Variants in BIK observed in about 807,000 individuals in gnomAD.
The protein encoded by BIK is BCL2 interacting killer, also known as bcl-2-interacting killer.
BIK carries 14 observed loss-of-function variants against 12.1 expected under a neutral mutation model. That is an observed-to-expected ratio of 1.16 (90% CI 0.77 to 1.81). The LOEUF (loss-of-function observed/expected upper bound fraction) is 1.81. BIK is among the 40% of genes most tolerant of loss of function. The probability of loss-of-function intolerance (pLI) is 0.00; values close to 1 mark genes in which losing one functional copy is unlikely to be tolerated. For synonymous variants in BIK, 86 were observed against 92.3 expected (o/e 0.93, Z 0.39); for missense variants, 215 against 207.9 (o/e 1.03, Z -0.21).
chr22:43,118,552 G>A (rs1930161418), intron 1 of BIK, among the ~76,000 whole-genome samples: 2 of 152,164 alleles, frequency 1.3e-5, no homozygotes, highest in East Asian at 1.9e-4. Context: ...CTGGAGTTGT[G>A]TGCGCTCCAA....
intron 2 of BIK, among the ~76,000 whole-genome samples, chr22:43,125,480 C>T (rs945889158): frequency 3.3e-5 from 5 of 150,892 alleles, no homozygotes; most frequent in Non-Finnish European, 1.5e-5. Context: ...CTGAGGTGGG[C>T]GGATCACCTG....
At chr22:43,127,656 A>G (rs748094816) in intron 2 of BIK, 41 bp from the exon 3 acceptor site, 35 of 1,519,628 alleles carry the variant, frequency 2.3e-5, no homozygotes, top group Non-Finnish European at 3.0e-5. Flanking sequence ...TGTGGCCTCC[A>G]CGGCACAGCC....
chr22:43,121,602 G>C (rs1206558936), intron 1 of BIK, among the ~76,000 whole-genome samples: 4 of 152,062 alleles, frequency 2.6e-5, no homozygotes, highest in Non-Finnish European at 4.4e-5. Context: ...GAGGTACTGG[G>C]GTCTCCAGGA....
chr22:43,128,168 T>C (rs1930358093), intron 3 of BIK, among the ~76,000 whole-genome samples: 1 of 151,162 alleles, frequency 6.6e-6, no homozygotes, highest in African/African-American at 2.4e-5. Context: ...GGTGGGGGAA[T>C]AGAGTGGGCA....
At position 43,128,483 on chromosome 22, in the gene BIK, T is replaced by TTTGTCTCCCCATC. The variant is rs776609782; in HGVS notation, c.261-13_261-12insTTGTCTCCCCATC. On this transcript the variant is annotated splice_polypyrimidine_tract_variant and intron_variant, in intron 3 of 4. Transcript: ENST00000216115. Reference sequence around the variant, plus strand: ...CAGTAATGGCTTTGTCCCCCCATCCTCTTTGTCTATAGCCTGGGTCTGGCT... The same window carrying TTTGTCTCCCCATC: ...CAGTAATGGCTTTGTCCCCCCATCCTTTGTCTCCCCATCCTTTGTCTATAGCCTGGGTCTGGCT... The TTTGTCTCCCCATC allele has an allele frequency of 5.6e-5, 14 of 250,158 alleles. No homozygotes were observed. Among genetic ancestry groups the TTTGTCTCCCCATC allele is most frequent in the Admixed American group, 3.1e-4 (4 of 12,794 alleles). 15.5% of individuals were successfully genotyped at this position (250,158 alleles called of 1,614,324 possible).
At chr22:43,124,264 G>T in intron 2 of BIK, 81 bp downstream of exon 2, 1 of 1,512,340 alleles carries the variant, frequency 6.6e-7, no homozygotes, top group Non-Finnish European at 9.0e-7. Flanking sequence ...TCTATGAGCG[G>T]GGGAGCGCCT....
chr22:43,127,708 C>T lies in BIK; in HGVS notation c.173C>T (p.Ala58Val). The T allele has an allele frequency of 1.3e-6, 2 of 1,554,890 alleles. No individual in the cohort carries two copies. The highest frequency in any genetic ancestry group is 8.7e-7 in the Non-Finnish European group (1 of 1,149,668). The change falls in exon 3 of 5, where the codon GCC becomes GTC. Residue 58 changes from alanine (A) to valine (V), a missense_variant. By Grantham distance (64) the Ala-to-Val change is moderately conservative. Coordinates refer to ENST00000216115, the MANE Select transcript of BIK (RefSeq NM_001197.5). ...LECMEGSDALALRLACIGDEM... is the reference protein window; with the variant it reads ...LECMEGSDALVLRLACIGDEM... ...TGTGCTCCCTGCAGTGACGCATTGGCCCTGCGGCTGGCCTGCATCGGGGAC... is the reference window on the plus strand; with the variant it reads ...TGTGCTCCCTGCAGTGACGCATTGGTCCTGCGGCTGGCCTGCATCGGGGAC...
At position 43,117,815 on chromosome 22, in the gene BIK, G is replaced by A. The variant is rs568096034; in HGVS notation, c.-7-6201G>A. ...CCACCCGAGTAGCTGGATTACAGGC[G>A]CGCACCACCACACCTGGCTAATTTT... On this transcript the variant is annotated intron_variant, in intron 1 of 4. Coordinates refer to ENST00000216115, the MANE Select transcript of BIK (RefSeq NM_001197.5). Among the ~76,000 whole-genome samples the A allele has an allele frequency of 3.3e-5, 5 of 151,720 alleles. No homozygotes were observed. In the South Asian group the frequency reaches 8.3e-4, roughly 25 times the overall value.
intron 3 of BIK, among the ~76,000 whole-genome samples, chr22:43,128,268 C>CGGCT (rs1170374935): frequency 6.6e-6 from 1 of 152,102 alleles, no homozygotes; most frequent in Admixed American, 6.5e-5. Context: ...GGCTGGCGGG[C>CGGCT]GGCTGGCTGG....
At chr22:43,123,984 G>C in intron 1 of BIK, 32 bp from the exon 2 acceptor site, 2 of 1,610,770 alleles carry the variant, frequency 1.2e-6, no homozygotes, top group Non-Finnish European at 1.7e-6. Context: ...CAGTTCTTAG[G>C]GGTCCAGTCA....
At position 43,127,809 on chromosome 22, in the gene BIK, G is replaced by A. The variant is rs754591710; in HGVS notation, c.260+14G>A. 6.5e-7 allele frequency: 1 copy of A among 1,544,250 alleles called. No individual in the cohort carries two copies. Among genetic ancestry groups the A allele is most frequent in the South Asian group, 1.2e-5 (1 of 83,820 alleles). ...GGCCATGCACAGGTAGCCGGCCTAT[G>A]CCCTATGCCTCTACACCTGGGGAGG... On this transcript the variant is annotated intron_variant, in intron 3 of 4. Transcript: ENST00000216115.
At chr22:43,124,299 C>T (rs947570344) in intron 2 of BIK, 116 bp downstream of exon 2, 1 of 1,267,984 alleles carries the variant, frequency 7.9e-7, no homozygotes, top group Non-Finnish European at 1.1e-6. Flanking sequence ...GGCAGGGCCT[C>T]CGAGAGGAAG....
intron 2 of BIK, among the ~76,000 whole-genome samples, chr22:43,126,373 G>C (rs1930316143): frequency 6.6e-6 from 1 of 152,042 alleles, no homozygotes; most frequent in South Asian, 2.1e-4. Context: ...TTTCAGTAGA[G>C]ACAGGGTTTC....
Position 43,128,570 on chromosome 22 carries a change from C to A in BIK, c.335C>A (p.Thr112Asn). The A allele has an allele frequency of 1.2e-6, 2 of 1,614,084 alleles. No individual in the cohort carries two copies. Among genetic ancestry groups the A allele is most frequent in the Non-Finnish European group, 1.7e-6 (2 of 1,179,942 alleles). Reference protein sequence around the residue: ...DVLRSFMDGFTTLKENIMRFW... With the variant: ...DVLRSFMDGFNTLKENIMRFW... ...CTTAGAAGTTTCATGGACGGTTTCA[C>A]CACACTTAAGGAGAACATAATGAGG... The change falls in exon 4 of 5, where the codon ACC becomes AAC. Residue 112 changes from threonine (T) to asparagine (N), a missense_variant. Thr to Asn is a moderately conservative substitution (Grantham distance 65). Coordinates refer to ENST00000216115, the MANE Select transcript of BIK (RefSeq NM_001197.5).
intron 1 of BIK, among the ~76,000 whole-genome samples, chr22:43,122,495 C>T (rs375118727): frequency 6.6e-5 from 10 of 152,232 alleles, no homozygotes; most frequent in East Asian, 1.9e-4. Context: ...CTGCCAGAGC[C>T]GGGCTTTGAA....
At chr22:43,118,911 T>C (rs946087519) in intron 1 of BIK, among the ~76,000 whole-genome samples, 1 of 151,834 alleles carries the variant, frequency 6.6e-6, no homozygotes, top group African/African-American at 2.4e-5. Context: ...GCAGAACACA[T>C]CTCTACTTGC....
In BIK at chr22:43,124,056, T is replaced by C; in HGVS notation, c.34T>C (p.Leu12=). The C allele has an allele frequency of 1.9e-6, 3 of 1,614,042 alleles. No individual in the cohort carries two copies. Among genetic ancestry groups the C allele is most frequent in the Non-Finnish European group, 1.7e-6 (2 of 1,180,028 alleles). ...AGTAAGACCCCTCTCCAGAGACATC[T>C]TGATGGAGACCCTCCTGTATGAGCA... ...SEVRPLSRDI[L]METLLYEQLL... Residue 12 remains leucine (L), a synonymous_variant, in exon 2 of 5, where the codon TTG becomes CTG. Coordinates refer to ENST00000216115, the MANE Select transcript of BIK (RefSeq NM_001197.5).
At chr22:43,124,834 G>A (rs981503022) in intron 2 of BIK, among the ~76,000 whole-genome samples, 3 of 152,222 alleles carry the variant, frequency 2.0e-5, no homozygotes, top group Admixed American at 1.3e-4. Context: ...AGAGGTTGCA[G>A]TGACCCAAGG....
At chr22:43,125,425 G>A (rs1235470563) in intron 2 of BIK, among the ~76,000 whole-genome samples, 3 of 152,112 alleles carry the variant, frequency 2.0e-5, no homozygotes, top group African/African-American at 7.2e-5. Context: ...CCAGAACCGG[G>A]CCGGGCGCCG....
Sources: gnomAD v4.1 joint callset for allele counts (sites outside exome capture counted in the v4.1 genomes callset) on GRCh38, gnomAD v4.1.1 for gene constraint, MANE v1.5 for transcripts, NCBI Gene and HGNC (gene_info 2026-07-23, HGNC 2026-07-21) for gene names.